The following ITGAV variants were observed in gnomAD, a reference collection of about 807,000 sequenced individuals.
ITGAV encodes integrin subunit alpha V, also known as integrin alpha-V.
Under a neutral mutation model 143.8 loss-of-function variants are expected in ITGAV, and 76 were observed. That is an observed-to-expected ratio of 0.53 (90% CI 0.44 to 0.64). ITGAV has a LOEUF of 0.64. ITGAV is among the 30% of genes least tolerant of loss of function. ITGAV has a pLI of 0.00. For synonymous variants in ITGAV, 453 were observed against 446.7 expected (o/e 1.01, Z -0.18); for missense variants, 1,193 against 1,274.7 (o/e 0.94, Z 0.98).
At position 186,667,863 on chromosome 2, in the gene ITGAV, T is replaced by C. The variant is rs1012223566; in HGVS notation, c.2433+87T>C. ...AAGCTACTTTAAAAAAAAAATTCTA[T>C]GTAATTTTTATGTAAACTCTACATT... On this transcript the variant is annotated intron_variant, in intron 24 of 29. Coordinates refer to ENST00000261023, the MANE Select transcript of ITGAV (RefSeq NM_002210.5). The C allele has an allele frequency of 4.4e-6, 3 of 685,446 alleles. No homozygotes were observed. In the South Asian group the frequency reaches 9.3e-5, roughly 21 times the overall value. The allele number at this position is 685,446 out of a possible 1,614,324, so 42.5% of individuals were successfully genotyped here.
chr2:186,660,289 C>G (rs1203270543), intron 18 of ITGAV, among the ~76,000 whole-genome samples: 1 of 152,142 alleles, frequency 6.6e-6, no homozygotes, highest in African/African-American at 2.4e-5. Context: ...ACTTTTGAAA[C>G]CCTTGGAGGG....
intron 2 of ITGAV, among the ~76,000 whole-genome samples, chr2:186,613,403 A>G (rs576512156): frequency 1.2e-4 from 18 of 152,132 alleles, no homozygotes; most frequent in Non-Finnish European, 1.9e-4. Flanking sequence ...TACCAATCCC[A>G]GTGAAATGAG....
intron 28 of ITGAV, chr2:186,676,283 T>C (rs1301283940): frequency 1.1e-5 from 2 of 187,514 alleles, no homozygotes; most frequent in African/African-American, 4.8e-5. Flanking sequence ...GATCAGCACA[T>C]AGTAAACTGG....
chr2:186,612,622 A>G (rs1425303884), intron 2 of ITGAV, among the ~76,000 whole-genome samples: 1 of 152,182 alleles, frequency 6.6e-6, no homozygotes, highest in Non-Finnish European at 1.5e-5. Context: ...GGGTATAACT[A>G]GGCTTTGTAT....
intron 21 of ITGAV, among the ~76,000 whole-genome samples, chr2:186,665,527 A>G (rs781448439): frequency 3.9e-5 from 6 of 152,160 alleles, no homozygotes; most frequent in Non-Finnish European, 8.8e-5. Context: ...TGATGCCTTA[A>G]TGGATCCTGA....
Position 186,677,309 on chromosome 2 carries a change from AT to A in ITGAV, c.*18del, listed in dbSNP as rs1689242552. On this transcript the variant is annotated 3_prime_UTR_variant, in exon 30 of 30. Coordinates refer to ENST00000261023, the MANE Select transcript of ITGAV (RefSeq NM_002210.5). ...GAAACTTAACTGCAGTTTTTAAGTT[AT>A]GCTACATCTTGACCCACTAGAATTA... The A allele has an allele frequency of 6.4e-7, 1 of 1,571,148 alleles. No homozygotes were observed. Among genetic ancestry groups the A allele is most frequent in the Admixed American group, 1.7e-5 (1 of 59,520 alleles).
intron 2 of ITGAV, among the ~76,000 whole-genome samples, chr2:186,605,754 A>G (rs78309723): frequency 1.5e-5 from 1 of 68,912 alleles, no homozygotes; most frequent in Admixed American, 1.9e-4. Flanking sequence ...ATATATATAT[A>G]TATATTTATA....
intron 17 of ITGAV, among the ~76,000 whole-genome samples, chr2:186,657,658 C>A (rs1372949274): frequency 6.6e-6 from 1 of 151,974 alleles, no homozygotes; most frequent in African/African-American, 2.4e-5. Context: ...AAGAAAGAAA[C>A]ACCACAAAAT....
At position 186,669,754 on chromosome 2, in the gene ITGAV, G is replaced by A. The variant is rs1689012110; in HGVS notation, c.2646G>A (p.Glu882=). ...ATGACACGGTTGCCGGGCAAGGTGA[G>A]CGGGACCATCTCATCACTAAGCGGG... The part of the protein sequence containing the change: ...EKNDTVAGQG[E]RDHLITKRDL... The change falls in exon 26 of 30, where the codon GAG becomes GAA. Residue 882 remains glutamate, a synonymous_variant. Coordinates refer to ENST00000261023, the MANE Select transcript of ITGAV (RefSeq NM_002210.5). 2 of 1,614,178 alleles carry A rather than the reference G, an allele frequency of 1.2e-6. No individual in the cohort carries two copies. Among genetic ancestry groups the A allele is most frequent in the East Asian group, 2.2e-5 (1 of 44,880 alleles).
In ITGAV at chr2:186,635,869, G is replaced by T. The variant is rs577825649; in HGVS notation, c.632-213G>T. ...CTGTTTTCTTAAATTTTTATTAGCA[G>T]AGACTACTTTTAAGTACTGGCTTAA... On this transcript the variant is annotated intron_variant, in intron 6 of 29. Coordinates refer to ENST00000261023, the MANE Select transcript of ITGAV (RefSeq NM_002210.5). Among the ~76,000 whole-genome samples the T allele has an allele frequency of 2.8e-4, 43 of 152,256 alleles. 1 individual carries two copies. The highest frequency in any genetic ancestry group is 3.4e-3 in the Middle Eastern group (1 of 294).
Position 186,590,406 on chromosome 2 carries a change from TCCTGCTACCTCTGTG to T in ITGAV, c.71_85del (p.Leu24_Cys28del), listed in dbSNP as rs778092594. 15 of 1,609,968 alleles carry T rather than the reference TCCTGCTACCTCTGTG, an allele frequency of 9.3e-6. No homozygotes were observed. Among genetic ancestry groups the T allele is most frequent in the Non-Finnish European group, 1.3e-5 (15 of 1,178,576 alleles). ...GGCCTCCCGCTTCTTCTCTCGGGAC[TCCTGCTACCTCTGTG>T]CCGCGCCTTCAACCTAGACGTGGAC... On this transcript the variant is annotated inframe_deletion, in exon 1 of 30. Coordinates refer to ENST00000261023, the MANE Select transcript of ITGAV (RefSeq NM_002210.5).
Position 186,665,109 on chromosome 2 carries a change from T to G in ITGAV, c.2074-17T>G, listed in dbSNP as rs1277805341. 6.8e-7 allele frequency: 1 copy of G among 1,460,902 alleles called. No individual in the cohort carries two copies. The highest frequency in any genetic ancestry group is 1.4e-5 in the African/African-American group (1 of 70,062). The allele number at this position is 1,460,902 out of a possible 1,614,324, so 90.5% of individuals were successfully genotyped here. On this transcript the variant is annotated splice_polypyrimidine_tract_variant and intron_variant, in intron 20 of 29. Coordinates refer to ENST00000261023, the MANE Select transcript of ITGAV (RefSeq NM_002210.5). ...CCTTTCATATCCATTTTTTTTTTTT[T>G]TTTTGGTCTATCAAAGGCCTTAGCA...
In ITGAV at chr2:186,600,147, G is replaced by A. The variant is rs1419407770; in HGVS notation, c.186-1874G>A. On this transcript the variant is annotated intron_variant, in intron 1 of 29. Coordinates refer to ENST00000261023, the MANE Select transcript of ITGAV (RefSeq NM_002210.5). ...CCCTATTTGACTTAGTTATTGCCAG[G>A]CTCCTTGACCTTATCTTGTGCCACT... 1.2e-5 allele frequency: 6 copies of A among 520,872 alleles called. No individual in the cohort carries two copies. The Admixed American group carries it at 2.1e-4, about 19-fold the overall frequency. The allele number at this position is 520,872 out of a possible 1,614,324, so 32.3% of individuals were successfully genotyped here.
At position 186,665,235 on chromosome 2, in the gene ITGAV, A is replaced by C; in HGVS notation, c.2166+17A>C. ...GGAACTCAAGTAAGACAATTTAATT[A>C]AACGGATTTTTCTCCCTGGCAAATA... is the stretch of plus-strand genomic sequence containing the variant. On this transcript the variant is annotated intron_variant, in intron 21 of 29. Transcript: ENST00000261023. 1 of 1,520,834 alleles carries C rather than the reference A, an allele frequency of 6.6e-7. No homozygotes were observed. The highest frequency in any genetic ancestry group is 1.1e-5 in the South Asian group (1 of 88,438). The allele number at this position is 1,520,834 out of a possible 1,614,324, so 94.2% of individuals were successfully genotyped here.
chr2:186,641,720 AAC>A (rs1253964611), intron 12 of ITGAV, 132 bp downstream of exon 12: 1 of 678,292 alleles, frequency 1.5e-6, no homozygotes. Flanking sequence ...GTAAGTGAGT[AAC>A]ACACCAAATT....
chr2:186,625,678 TGA>T (rs1553501192), intron 4 of ITGAV, 91 bp downstream of exon 4: 97 of 452,782 alleles, frequency 2.1e-4, no homozygotes, highest in South Asian at 5.8e-4. Context: ...TGTGTGTGTG[TGA>T]GAGAGAGAGA....
chr2:186,640,885 T>C (rs1253169788), intron 10 of ITGAV, 30 bp from the exon 11 acceptor site: 15 of 1,546,512 alleles, frequency 9.7e-6, no homozygotes, highest in African/African-American at 1.4e-5. Flanking sequence ...GGATGAAATA[T>C]AAACATTTCA....
chr2:186,600,227 ATTCT>A, intron 1 of ITGAV: 1 of 1,029,788 alleles, frequency 9.7e-7, no homozygotes, highest in Non-Finnish European at 1.4e-6. Context: ...TGGAGATTCA[ATTCT>A]TTCTTGCCAG....
chr2:186,622,136 A>G (rs545080787), intron 2 of ITGAV, among the ~76,000 whole-genome samples: 155 of 152,318 alleles, frequency 1.0e-3, no homozygotes, highest in Admixed American at 1.7e-3. Context: ...TAACACTGAG[A>G]CACTTCTGGG....
Sources: gnomAD v4.1 joint callset for allele counts (sites outside exome capture counted in the v4.1 genomes callset) on GRCh38, gnomAD v4.1.1 for gene constraint, MANE v1.5 for transcripts, NCBI Gene and HGNC (gene_info 2026-07-23, HGNC 2026-07-21) for gene names.